The following LRBA variants were observed in gnomAD, a reference collection of about 807,000 sequenced individuals.
The protein encoded by LRBA is lipopolysaccharide-responsive and beige-like anchor protein.
A neutral mutation model predicts 330.0 loss-of-function variants in LRBA; 176 were observed. The ratio of observed to expected loss-of-function variants is 0.53; its 90% CI spans 0.47 to 0.60. The LOEUF is 0.60. LRBA is among the 20% of genes least tolerant of loss of function. The probability of loss-of-function intolerance (pLI) is 0.00; values close to 1 mark genes in which losing one functional copy is unlikely to be tolerated. For synonymous variants in LRBA, 1,230 were observed against 1,193.0 expected (o/e 1.03, Z -0.64); for missense variants, 3,259 against 3,444.8 (o/e 0.95, Z 1.35).
chr4:150,281,170 TATA>T (rs1348975360), intron 55 of LRBA, among the ~76,000 whole-genome samples: 1 of 152,170 alleles, frequency 6.6e-6, no homozygotes, highest in African/African-American at 2.4e-5. Flanking sequence ...TAGCTGACAA[TATA>T]ATCGCAACTC....
At chr4:150,879,907 C>T (rs561483774) in intron 17 of LRBA, among the ~76,000 whole-genome samples, 1 of 152,162 alleles carries the variant, frequency 6.6e-6, no homozygotes, top group South Asian at 2.1e-4. Context: ...AAAATACATA[C>T]GGAACCAAAA....
chr4:150,601,644 CTA>C (rs143421823), intron 37 of LRBA, among the ~76,000 whole-genome samples: 2 of 151,110 alleles, frequency 1.3e-5, no homozygotes, highest in Admixed American at 6.6e-5. Flanking sequence ...TTTCTGCTAA[CTA>C]TATATATATA....
chr4:150,853,481 T>C (rs573909121), intron 22 of LRBA, among the ~76,000 whole-genome samples: 19 of 152,142 alleles, frequency 1.2e-4, no homozygotes, highest in Non-Finnish European at 5.9e-5. Flanking sequence ...AGAAAAAAGA[T>C]CCAGCCCTTC....
intron 37 of LRBA, among the ~76,000 whole-genome samples, chr4:150,618,649 T>C (rs540837731): frequency 9.2e-5 from 14 of 152,200 alleles, no homozygotes; most frequent in African/African-American, 3.4e-4. Context: ...TTTTCAGTGC[T>C]AATCTCTTCA....
chr4:150,509,814 A>G (rs1761625093), intron 40 of LRBA, among the ~76,000 whole-genome samples: 2 of 152,174 alleles, frequency 1.3e-5, no homozygotes, highest in Admixed American at 6.5e-5. Context: ...AGTTTGGACT[A>G]CTTTGATGCG....
At chr4:150,513,600 G>C (rs556986464) in intron 40 of LRBA, among the ~76,000 whole-genome samples, 2 of 152,244 alleles carry the variant, frequency 1.3e-5, no homozygotes, top group Non-Finnish European at 2.9e-5. Context: ...CTGGAGGCTG[G>C]GAAGTCCAAG....
intron 33 of LRBA, among the ~76,000 whole-genome samples, chr4:150,799,573 C>T (rs1005548880): frequency 6.6e-6 from 1 of 152,110 alleles, no homozygotes; most frequent in Non-Finnish European, 1.5e-5. Flanking sequence ...TTGCTTTATT[C>T]GAGAGAAACT....
intron 39 of LRBA, among the ~76,000 whole-genome samples, chr4:150,589,207 A>G (rs1772512295): frequency 6.6e-6 from 1 of 152,232 alleles, no homozygotes; most frequent in African/African-American, 2.4e-5. Context: ...GTGCCTATAA[A>G]CAAGCTGTGC....
At chr4:150,861,443 T>A (rs1483428795) in intron 22 of LRBA, among the ~76,000 whole-genome samples, 5 of 152,164 alleles carry the variant, frequency 3.3e-5, no homozygotes, top group Non-Finnish European at 7.3e-5. Context: ...TGTGTGTACG[T>A]AAGGTTTAGA....
intron 2 of LRBA, among the ~76,000 whole-genome samples, chr4:150,943,144 A>G (rs1735863599): frequency 6.6e-6 from 1 of 152,252 alleles, no homozygotes. Flanking sequence ...CTAAGAAATA[A>G]TGAATTAAAC....
chr4:150,905,479 T>C (rs1731223453), intron 13 of LRBA, among the ~76,000 whole-genome samples: 1 of 152,014 alleles, frequency 6.6e-6, no homozygotes, highest in South Asian at 2.1e-4. Flanking sequence ...AATAATTACA[T>C]TAAAACTGTC....
At chr4:150,444,352 TC>T (rs1752307153) in intron 44 of LRBA, among the ~76,000 whole-genome samples, 1 of 151,950 alleles carries the variant, frequency 6.6e-6, no homozygotes, top group African/African-American at 2.4e-5. Flanking sequence ...CCTGCCTTCC[TC>T]CCCCACCACT....
chr4:150,618,201 G>T (rs1248744695), intron 37 of LRBA, among the ~76,000 whole-genome samples: 2 of 152,018 alleles, frequency 1.3e-5, no homozygotes, highest in African/African-American at 4.8e-5. Flanking sequence ...AATTACTATT[G>T]TTGAAAGTTT....
chr4:150,595,503 T>C (rs936553726), intron 38 of LRBA, among the ~76,000 whole-genome samples: 4 of 151,960 alleles, frequency 2.6e-5, no homozygotes, highest in African/African-American at 9.7e-5. Context: ...TCCTTATATA[T>C]TTCTATTAGC....
rs572914116 is a variant in LRBA, at chr4:150,502,898, A to C, written c.6331-11863T>G. On this transcript the variant is annotated intron_variant, in intron 40 of 56. Transcript: ENST00000651943. ...CGGGCTTAAAAAATGGCACACAAGG[A>C]GATTATATCCCGCACCTGACTCAGA... is the stretch of plus-strand genomic sequence containing the variant. Among the ~76,000 whole-genome samples, 4 of 152,346 alleles carry C rather than the reference A, an allele frequency of 2.6e-5. 1 individual carries two copies. The South Asian group carries it at 8.3e-4, about 32-fold the overall frequency.
At chr4:150,325,927 T>G (rs779886536) in intron 48 of LRBA, 29 bp from the exon 49 acceptor site, 1 of 1,261,536 alleles carries the variant, frequency 7.9e-7, no homozygotes, top group South Asian at 1.2e-5. Context: ...AGTCTGAAGG[T>G]TAAGAGGTGC....
chr4:150,818,986 CA>C (rs1312192968), intron 30 of LRBA, among the ~76,000 whole-genome samples: 1 of 151,848 alleles, frequency 6.6e-6, no homozygotes, highest in Non-Finnish European at 1.5e-5. Flanking sequence ...TTATAATAGT[CA>C]AAAACTGGAA....
intron 51 of LRBA, 37 bp downstream of exon 51, chr4:150,315,524 G>A (rs778353005): frequency 1.9e-6 from 3 of 1,554,834 alleles, no homozygotes; most frequent in East Asian, 2.2e-5. Flanking sequence ...ACCATACAGA[G>A]CTTAATGAAT....
chr4:150,276,139 A>G (rs1372326006), intron 56 of LRBA, among the ~76,000 whole-genome samples: 1 of 152,190 alleles, frequency 6.6e-6, no homozygotes, highest in African/African-American at 2.4e-5. Flanking sequence ...TGCATCTACA[A>G]CCATCTGATC....
Sources: allele counts gnomAD v4.1 joint callset (sites outside exome capture counted in the v4.1 genomes callset), GRCh38; gene constraint gnomAD v4.1.1; transcripts MANE v1.5; gene names NCBI Gene and HGNC (gene_info 2026-07-23, HGNC 2026-07-21).